The following SMC6 variants were observed in gnomAD, a reference collection of about 807,000 sequenced individuals.
The protein encoded by SMC6 is structural maintenance of chromosomes 6.
SMC6 carries 79 observed loss-of-function variants against 142.2 expected under a neutral mutation model. That is an observed-to-expected ratio of 0.56 (90% CI 0.46 to 0.67). The LOEUF (loss-of-function observed/expected upper bound fraction) is 0.67, where lower values mean the gene tolerates loss of function less well. Among genes scored for constraint, SMC6 ranks in the 30% least tolerant of loss-of-function variants. The pLI is 0.00. For synonymous variants in SMC6, 411 were observed against 412.4 expected (o/e 1.00, Z 0.04); for missense variants, 1,072 against 1,284.0 (o/e 0.83, Z 2.52).
chr2:17,689,896 T>C lies in SMC6; in HGVS notation c.2678+5256A>G, dbSNP rs563978475. On this transcript the variant is annotated intron_variant, in intron 23 of 27. Coordinates refer to ENST00000448223, the MANE Select transcript of SMC6 (RefSeq NM_001142286.2). The stretch of plus-strand genomic sequence containing the variant: ...TTCTTTTTTTGTTGTTTTTGAGTTT[T>C]TTCCCCCAGTCTTTTCAATCTGTGG... Among the ~76,000 whole-genome samples the C allele has an allele frequency of 3.3e-5, 5 of 152,322 alleles. 1 individual carries two copies. The South Asian group carries it at 1.0e-3, about 32-fold the overall frequency.
intron 9 of SMC6, among the ~76,000 whole-genome samples, chr2:17,724,149 G>A (rs1011537296): frequency 1.3e-5 from 2 of 151,966 alleles, no homozygotes; most frequent in Admixed American, 6.6e-5. Context: ...AGTAGGTACA[G>A]TTTGTTTGAA....
rs1014520969 is a variant in SMC6 at position 17,676,406 on chromosome 2, G to A, written c.2910+2453C>T. Among the ~76,000 whole-genome samples the A allele has an allele frequency of 1.3e-4, 19 of 151,972 alleles. No individual in the cohort carries two copies. The South Asian group carries it at 2.1e-3, about 17-fold the overall frequency. The stretch of plus-strand genomic sequence containing the variant: ...CACCTTTCCATGCTTCTTCATATAT[G>A]TGGCAATTTTTACAGCTTTAAATAT... On this transcript the variant is annotated intron_variant, in intron 25 of 27. Coordinates refer to ENST00000448223, the MANE Select transcript of SMC6 (RefSeq NM_001142286.2).
At chr2:17,691,060 AAGG>A (rs1296835830) in intron 23 of SMC6, among the ~76,000 whole-genome samples, 4 of 151,734 alleles carry the variant, frequency 2.6e-5, no homozygotes, top group South Asian at 2.1e-4. Flanking sequence ...TATCCATGAA[AAGG>A]AGATTATTAA....
intron 3 of SMC6, among the ~76,000 whole-genome samples, chr2:17,745,143 A>G (rs1057040306): frequency 3.3e-5 from 5 of 152,190 alleles, no homozygotes; most frequent in African/African-American, 9.6e-5. Flanking sequence ...TTCTGCAACC[A>G]TATCTATTAG....
At chr2:17,735,606 A>G (rs1020961487) in intron 5 of SMC6, among the ~76,000 whole-genome samples, 13 of 152,234 alleles carry the variant, frequency 8.5e-5, no homozygotes, top group African/African-American at 3.1e-4. Context: ...GGTATTAGGA[A>G]GGCCAAGGGA....
chr2:17,712,240 G>A (rs952544908), intron 16 of SMC6, among the ~76,000 whole-genome samples: 2 of 152,228 alleles, frequency 1.3e-5, no homozygotes, highest in African/African-American at 4.8e-5. Context: ...ATGAGTGAAT[G>A]CAGTCTCCCC....
At chr2:17,713,061 G>A (rs1350787483) in intron 16 of SMC6, among the ~76,000 whole-genome samples, 1 of 152,110 alleles carries the variant, frequency 6.6e-6, no homozygotes, top group Non-Finnish European at 1.5e-5. Flanking sequence ...ACTTCACTGA[G>A]GTGGGTCTAA....
rs545210228 is a variant in SMC6 at position 17,668,874 on chromosome 2, T to C, written c.3063+1549A>G. ...CCTACAGAATTAAACATTTATTCCA[T>C]ATATAATAACCTCCAAAGGGTTTTA... is the stretch of plus-strand genomic sequence containing the variant. On this transcript the variant is annotated intron_variant, in intron 26 of 27. Coordinates refer to ENST00000448223, the MANE Select transcript of SMC6 (RefSeq NM_001142286.2). Among the ~76,000 whole-genome samples, 13 of 152,280 alleles carry C rather than the reference T, an allele frequency of 8.5e-5. No individual in the cohort carries two copies. The South Asian group carries it at 2.3e-3, about 27-fold the overall frequency.
At chr2:17,732,283 A>C (rs542074770) in intron 5 of SMC6, among the ~76,000 whole-genome samples, 1 of 152,332 alleles carries the variant, frequency 6.6e-6, no homozygotes, top group Non-Finnish European at 1.5e-5. Flanking sequence ...TAGGCCTTTA[A>C]AGAATGATGA....
chr2:17,708,752 C>T lies in SMC6; in HGVS notation c.1732G>A (p.Ala578Thr), dbSNP rs774348536. 2 of 1,478,360 alleles carry T rather than the reference C, an allele frequency of 1.4e-6. No individual in the cohort carries two copies. The highest frequency in any genetic ancestry group is 1.8e-6 in the Non-Finnish European group (2 of 1,112,096). 91.6% of individuals were successfully genotyped at this position (1,478,360 alleles called of 1,614,324 possible). A position where few individuals can be genotyped will look rare whatever the true frequency, so the allele number is the denominator to read the frequency against. Residue 578 changes from alanine (A) to threonine (T), a missense_variant and splice_region_variant, in exon 17 of 28, where the codon GCT (alanine) becomes ACT (threonine). Around this residue, in one of 3 missense-constraint regions of SMC6, gnomAD observed 994 missense variants for 1,153.2 expected, o/e 0.86. Coordinates refer to ENST00000448223, the MANE Select transcript of SMC6 (RefSeq NM_001142286.2). ...GTTGGAAAGTCTGGATGATAAGCAG[C>T]TCTAGGAGACAAAAATACAGAAGGA... Reference protein sequence around the residue: ...RNEIYDVRHRAAYHPDFPTVL... With the variant: ...RNEIYDVRHRTAYHPDFPTVL...
chr2:17,740,013 G>A (rs555525757), intron 4 of SMC6, among the ~76,000 whole-genome samples: 1 of 151,456 alleles, frequency 6.6e-6, no homozygotes, highest in South Asian at 2.1e-4. Flanking sequence ...GTAACACAAA[G>A]TAACTAACGC....
chr2:17,717,531 C>T (rs1196702779), intron 12 of SMC6, among the ~76,000 whole-genome samples: 2 of 152,040 alleles, frequency 1.3e-5, no homozygotes, highest in Non-Finnish European at 2.9e-5. Flanking sequence ...ATTAGCTGGG[C>T]GTGGTGGCAC....
chr2:17,728,460 C>G (rs1433983419), intron 7 of SMC6, among the ~76,000 whole-genome samples: 2 of 151,876 alleles, frequency 1.3e-5, no homozygotes, highest in African/African-American at 4.8e-5. Flanking sequence ...CTTTGGGAGG[C>G]CAAGGCCGAG....
intron 14 of SMC6, 144 bp downstream of exon 14, chr2:17,716,597 G>C (rs892602416): frequency 1.2e-6 from 1 of 857,518 alleles, no homozygotes; most frequent in African/African-American, 1.7e-5. Context: ...GCTCTGCAAA[G>C]TATTTAACAT....
chr2:17,692,751 C>G (rs1667791650), intron 23 of SMC6, among the ~76,000 whole-genome samples: 1 of 152,126 alleles, frequency 6.6e-6, no homozygotes. Context: ...AAGAAACTAC[C>G]ATCAGAGTGA....
chr2:17,731,144 T>A lies in SMC6; in HGVS notation c.482-5A>T. ...TCCTCGTGGAAACCACGGAGCCTAG[T>A]TATAAGAAACATATGAAATAACCAA... is the stretch of plus-strand genomic sequence containing the variant. On this transcript the variant is annotated splice_polypyrimidine_tract_variant and splice_region_variant and intron_variant, in intron 6 of 27. Coordinates refer to ENST00000448223, the MANE Select transcript of SMC6 (RefSeq NM_001142286.2). The A allele has an allele frequency of 6.2e-7, 1 of 1,607,164 alleles. No homozygotes were observed. Among genetic ancestry groups the A allele is most frequent in the Non-Finnish European group, 8.5e-7 (1 of 1,175,566 alleles).
intron 13 of SMC6, 21 bp from the exon 14 acceptor site, chr2:17,716,926 G>C (rs756376131): frequency 1.9e-6 from 3 of 1,583,176 alleles, no homozygotes; most frequent in East Asian, 4.5e-5. Context: ...ATAACCCAAA[G>C]TGAAAAATGT....
At position 17,745,909 on chromosome 2, in the gene SMC6, T is replaced by A. The variant is rs750693895; in HGVS notation, c.38A>T (p.Lys13Ile). The A allele has an allele frequency of 6.2e-7, 1 of 1,611,856 alleles. No homozygotes were observed. ...TTCTTGTCTTGGCCTTTTGGCATTT[T>A]TAGGAGAGGAAAAATTTTCTTCCTT... Reference protein sequence around the residue: ...KRKEENFSSPKNAKRPRQEEL... With the variant: ...KRKEENFSSPINAKRPRQEEL... Residue 13 changes from lysine (K) to isoleucine (I), a missense_variant, in exon 3 of 28, where the codon AAA becomes ATA. Lys to Ile is a moderately radical substitution (Grantham distance 102, BLOSUM62 -3). Transcript: ENST00000448223.
chr2:17,729,715 C>A (rs560690725), intron 7 of SMC6, among the ~76,000 whole-genome samples: 4 of 152,302 alleles, frequency 2.6e-5, no homozygotes, highest in African/African-American at 9.6e-5. Flanking sequence ...ATTTGCTGTA[C>A]CTGCTTTTCT....
Sources: gnomAD v4.1 joint callset for allele counts (sites outside exome capture counted in the v4.1 genomes callset) on GRCh38, gnomAD v4.1.1 for gene constraint, gnomAD v4.1.1 regional missense constraint, MANE v1.5 for transcripts, NCBI Gene and HGNC (gene_info 2026-07-23, HGNC 2026-07-21) for gene names.